The following SYNPR variants were observed in gnomAD, a reference collection of about 807,000 sequenced individuals.
The protein encoded by SYNPR is synaptoporin.
Under a neutral mutation model 32.9 loss-of-function variants are expected in SYNPR, and 23 were observed. The ratio of observed to expected loss-of-function variants is 0.70; its 90% CI spans 0.50 to 0.99. SYNPR has a LOEUF of 0.99. SYNPR is among the 50% of genes least tolerant of loss of function. The probability of loss-of-function intolerance (pLI) is 0.00; values close to 1 mark genes in which losing one functional copy is unlikely to be tolerated. For missense variants in SYNPR, 318 were observed against 349.3 expected (o/e 0.91, Z 0.71); for synonymous variants, 146 against 135.9 (o/e 1.07, Z -0.52).
intron 3 of SYNPR, among the ~76,000 whole-genome samples, chr3:63,544,042 T>C (rs112596054): frequency 6.4e-4 from 97 of 152,126 alleles, no homozygotes; most frequent in African/African-American, 2.2e-3. Flanking sequence ...GGTTTGAATA[T>C]GACTAAGTAC....
At chr3:63,493,940 G>A (rs1325704577) in intron 3 of SYNPR, among the ~76,000 whole-genome samples, 2 of 151,818 alleles carry the variant, frequency 1.3e-5, no homozygotes, top group African/African-American at 4.8e-5. Flanking sequence ...TTAGACTTGT[G>A]GAAATTGGAG....
At chr3:63,530,063 A>T (rs538678562) in intron 3 of SYNPR, among the ~76,000 whole-genome samples, 4 of 152,232 alleles carry the variant, frequency 2.6e-5, no homozygotes. Context: ...CCTGACCCCC[A>T]TGCCTGTGAG....
Position 63,278,434 on chromosome 3 carries a change from G to C in SYNPR, c.-100G>C. On this transcript the variant is annotated 5_prime_UTR_variant, in exon 1 of 6. Transcript: ENST00000478300. Reference sequence around the variant, plus strand: ...GCTGCTCCAGGGTGTCGCTCCTCTGGCTGCTCCCGAAGGGGCTTCTGGCCC... The same window carrying C: ...GCTGCTCCAGGGTGTCGCTCCTCTGCCTGCTCCCGAAGGGGCTTCTGGCCC... 1 of 1,435,348 alleles carries C rather than the reference G, an allele frequency of 7.0e-7. No homozygotes were observed. 88.9% of individuals were successfully genotyped at this position (1,435,348 alleles called of 1,614,324 possible).
At chr3:63,443,201 C>T in intron 2 of SYNPR, 1 of 1,333,468 alleles carries the variant, frequency 7.5e-7, no homozygotes, top group Non-Finnish European at 9.6e-7. Context: ...CTGTACTCAG[C>T]TGTGGGTTGT....
intron 2 of SYNPR, among the ~76,000 whole-genome samples, chr3:63,385,268 G>T (rs531416246): frequency 6.6e-6 from 1 of 152,006 alleles, no homozygotes; most frequent in Admixed American, 6.6e-5. Flanking sequence ...TCTCCTTCCC[G>T]CCCTGCTTCC....
At chr3:63,551,220 G>A (rs1428219954) in intron 3 of SYNPR, among the ~76,000 whole-genome samples, 2 of 152,164 alleles carry the variant, frequency 1.3e-5, no homozygotes, top group African/African-American at 4.8e-5. Context: ...ATGTTTTCAA[G>A]GCTTATCCAT....
At chr3:63,258,825 G>C (rs987681735) in intron 2 of SYNPR, among the ~76,000 whole-genome samples, 1 of 152,106 alleles carries the variant, frequency 6.6e-6, no homozygotes, top group Non-Finnish European at 1.5e-5. Context: ...TAGACCGCTA[G>C]CAAGACTAAT....
intron 2 of SYNPR, among the ~76,000 whole-genome samples, chr3:63,331,841 C>T (rs928460252): frequency 6.6e-6 from 1 of 152,136 alleles, no homozygotes; most frequent in Non-Finnish European, 1.5e-5. Context: ...CAACAAATAT[C>T]TACTGAGTTT....
chr3:63,242,306 G>A (rs9871572), intron 1 of SYNPR, among the ~76,000 whole-genome samples: 35,919 of 151,776 alleles, frequency 0.24, 4,579 homozygotes, highest in South Asian at 0.39. Context: ...TGCCTGTACC[G>A]AGAGGGTACC....
intron 2 of SYNPR, among the ~76,000 whole-genome samples, chr3:63,476,243 AGGAGGGAGAGAAGAAG>A: frequency 2.5e-4 from 20 of 81,242 alleles, no homozygotes; most frequent in Admixed American, 5.4e-4. Flanking sequence ...AAGGAAGGAA[AGGAGGGAGAGAAGAAG>A]GAAGGAAGGA....
chr3:63,490,523 C>T (rs993065608), intron 3 of SYNPR, among the ~76,000 whole-genome samples: 1 of 151,786 alleles, frequency 6.6e-6, no homozygotes, highest in Non-Finnish European at 1.5e-5. Flanking sequence ...GTGGGTTGGC[C>T]CAGGGTGGAG....
intron 3 of SYNPR, among the ~76,000 whole-genome samples, chr3:63,505,067 C>G (rs2106743235): frequency 6.6e-6 from 1 of 152,208 alleles, no homozygotes; most frequent in Middle Eastern, 3.4e-3. Flanking sequence ...ATGTATGGAG[C>G]ATACTGTCAG....
intron 3 of SYNPR, among the ~76,000 whole-genome samples, chr3:63,527,157 A>G (rs1702028204): frequency 6.6e-6 from 1 of 152,142 alleles, no homozygotes; most frequent in Non-Finnish European, 1.5e-5. Flanking sequence ...ACCCAGGCGG[A>G]ATAGTAGCAG....
intron 2 of SYNPR, among the ~76,000 whole-genome samples, chr3:63,404,845 A>G (rs1384229045): frequency 6.6e-6 from 1 of 152,168 alleles, no homozygotes; most frequent in Non-Finnish European, 1.5e-5. Flanking sequence ...CGTTTCACAT[A>G]AATCTCAGGG....
chr3:63,415,607 A>T (rs962416417), intron 2 of SYNPR, among the ~76,000 whole-genome samples: 2 of 152,200 alleles, frequency 1.3e-5, no homozygotes, highest in African/African-American at 2.4e-5. Context: ...ACAATATGTA[A>T]CCAAATCAAC....
chr3:63,211,789 A>T, the SYNPR span, among the ~76,000 whole-genome samples: 5 of 142,200 alleles, frequency 3.5e-5, no homozygotes, highest in Admixed American at 1.4e-4. Context: ...TACATGTGCC[A>T]TGCTGGTGCG....
intron 3 of SYNPR, among the ~76,000 whole-genome samples, chr3:63,486,684 A>G (rs1701161713): frequency 6.6e-6 from 1 of 152,342 alleles, no homozygotes; most frequent in Middle Eastern, 3.4e-3. Flanking sequence ...TGATCAATCG[A>G]TAGAGTAAAT....
intron 4 of SYNPR, among the ~76,000 whole-genome samples, chr3:63,558,210 T>C (rs75112178): frequency 7.2e-5 from 11 of 152,226 alleles, no homozygotes; most frequent in Admixed American, 2.0e-4. Flanking sequence ...TCCCAGCCTG[T>C]AGACTATGTG....
chr3:63,550,921 C>T (rs1702490434), intron 3 of SYNPR, among the ~76,000 whole-genome samples: 1 of 152,230 alleles, frequency 6.6e-6, no homozygotes, highest in Admixed American at 6.5e-5. Context: ...TTCCCTTTCC[C>T]ACCATCTTCC....
Sources: gnomAD v4.1 joint callset for allele counts (sites outside exome capture counted in the v4.1 genomes callset) on GRCh38, gnomAD v4.1.1 for gene constraint, MANE v1.5 for transcripts, NCBI Gene and HGNC (gene_info 2026-07-23, HGNC 2026-07-21) for gene names.